The following KIAA1958 variants were observed in gnomAD, a reference collection of about 807,000 sequenced individuals.
KIAA1958 encodes KIAA1958.
A neutral mutation model predicts 47.2 loss-of-function variants in KIAA1958; 14 were observed. The ratio of observed to expected loss-of-function variants is 0.30; its 90% confidence interval spans 0.20 to 0.46. The LOEUF (loss-of-function observed/expected upper bound fraction) is 0.46, where lower values mean the gene tolerates loss of function less well. Among genes scored for constraint, KIAA1958 ranks in the 20% least tolerant of loss-of-function variants. The pLI, the probability that KIAA1958 is intolerant of heterozygous loss-of-function variation, is 1.00. For missense variants in KIAA1958, 803 were observed against 909.2 expected (o/e 0.88, Z 1.50); for synonymous variants, 354 against 353.3 (o/e 1.00, Z -0.02).
intron 2 of KIAA1958, among the ~76,000 whole-genome samples, chr9:112,596,009 T>C (rs1836022295): frequency 6.6e-6 from 1 of 152,096 alleles, no homozygotes; most frequent in Non-Finnish European, 1.5e-5. Context: ...GGTCTCGAAC[T>C]CTTGACCTCA....
intron 1 of KIAA1958, among the ~76,000 whole-genome samples, chr9:112,511,080 G>A (rs1238066499): frequency 6.6e-6 from 1 of 152,124 alleles, no homozygotes; most frequent in Non-Finnish European, 1.5e-5. Context: ...ATTATCTGCT[G>A]CTTGCTTCTG....
At chr9:112,613,874 C>T (rs1836368147) in intron 2 of KIAA1958, among the ~76,000 whole-genome samples, 1 of 152,082 alleles carries the variant, frequency 6.6e-6, no homozygotes. Flanking sequence ...TGGCTGAATG[C>T]ATGATTTCCT....
At chr9:112,641,393 TGACAGCTCTAGTGCC>T (rs1564199076) in intron 2 of KIAA1958, among the ~76,000 whole-genome samples, 1 of 150,168 alleles carries the variant, frequency 6.7e-6, no homozygotes, top group Non-Finnish European at 1.5e-5. Flanking sequence ...CTCGCTATGT[TGACAGCTCTAGTGCC>T]TCTTGGTGGC....
intron 1 of KIAA1958, among the ~76,000 whole-genome samples, chr9:112,492,095 G>T (rs1282579879): frequency 1.3e-5 from 2 of 152,154 alleles, no homozygotes; most frequent in Non-Finnish European, 2.9e-5. Context: ...AACCAGCTAG[G>T]ACTACTTCCT....
intron 1 of KIAA1958, among the ~76,000 whole-genome samples, chr9:112,496,083 A>G (rs1009355321): frequency 6.6e-6 from 1 of 152,240 alleles, no homozygotes; most frequent in African/African-American, 2.4e-5. Context: ...CAGAGGAGGA[A>G]CTACCCAGAA....
At chr9:112,621,335 A>C (rs760254313) in intron 2 of KIAA1958, among the ~76,000 whole-genome samples, 1 of 152,168 alleles carries the variant, frequency 6.6e-6, no homozygotes, top group Non-Finnish European at 1.5e-5. Flanking sequence ...ACTTTAAGGG[A>C]ACTCTTAAAC....
chr9:112,502,359 G>C (rs560974651), intron 1 of KIAA1958, among the ~76,000 whole-genome samples: 8 of 11,258 alleles, frequency 7.1e-4, no homozygotes, highest in South Asian at 0.011. Flanking sequence ...AGATTGCTGA[G>C]TCATGGCTCA....
In KIAA1958 at chr9:112,574,695, A is replaced by G. The variant is rs1269569374; in HGVS notation, c.615A>G (p.Gln205=). 1 of 1,614,180 alleles carries G rather than the reference A, an allele frequency of 6.2e-7. No individual in the cohort carries two copies. Residue 205 remains glutamine (Q), a synonymous_variant, in exon 2 of 4, where the codon CAA becomes CAG. Transcript: ENST00000337530. ...SNDVIIKKIK[Q]EIPEDYYIVA... is the part of the protein sequence containing the mutation. Reference sequence around the variant, plus strand: ...ATGTCATCATCAAGAAAATCAAACAAGAAATCCCCGAAGATTATTACATTG... The same window carrying G: ...ATGTCATCATCAAGAAAATCAAACAGGAAATCCCCGAAGATTATTACATTG...
intron 1 of KIAA1958, among the ~76,000 whole-genome samples, chr9:112,530,914 TCTAA>T (rs1465752112): frequency 2.0e-5 from 3 of 152,222 alleles, no homozygotes; most frequent in Non-Finnish European, 4.4e-5. Flanking sequence ...TATGTTTGTC[TCTAA>T]CTAAATATTT....
intron 2 of KIAA1958, among the ~76,000 whole-genome samples, chr9:112,623,672 C>T (rs1397883252): frequency 6.6e-6 from 1 of 152,170 alleles, no homozygotes; most frequent in Non-Finnish European, 1.5e-5. Context: ...GTTTGTGTCA[C>T]TCTAAAAAAC....
At chr9:112,573,867 A>G (rs1215588804) in intron 1 of KIAA1958, among the ~76,000 whole-genome samples, 190 bp from the exon 2 acceptor site, 1 of 152,146 alleles carries the variant, frequency 6.6e-6, no homozygotes, top group African/African-American at 2.4e-5. Flanking sequence ...ACCATCAGTC[A>G]TCAGCTGTTT....
chr9:112,654,911 C>A (rs555086844), intron 3 of KIAA1958, among the ~76,000 whole-genome samples: 1 of 152,126 alleles, frequency 6.6e-6, no homozygotes, highest in Non-Finnish European at 1.5e-5. Flanking sequence ...TTTTTCCTTT[C>A]CCATATACAT....
At chr9:112,568,936 T>TAAAAAAAAAAAAAAAAAAAAAAAA (rs57898820) in intron 1 of KIAA1958, among the ~76,000 whole-genome samples, 3 of 36,456 alleles carry the variant, frequency 8.2e-5, no homozygotes, top group Non-Finnish European at 1.4e-4. Context: ...ATAGGAAAAC[T>TAAAAAAAAAAAAAAAAAAAAAAAA]AAAAAAAAAA....
chr9:112,489,148 T>C (rs1458508309), intron 1 of KIAA1958, among the ~76,000 whole-genome samples: 1 of 152,238 alleles, frequency 6.6e-6, no homozygotes, highest in Non-Finnish European at 1.5e-5. Context: ...GTATTGAAAT[T>C]TGATCAGGCT....
intron 2 of KIAA1958, among the ~76,000 whole-genome samples, chr9:112,583,768 C>A (rs1299107357): frequency 6.6e-6 from 1 of 152,128 alleles, no homozygotes; most frequent in Non-Finnish European, 1.5e-5. Flanking sequence ...CACAGACACA[C>A]ACACTTAATT....
intron 2 of KIAA1958, among the ~76,000 whole-genome samples, chr9:112,607,269 A>C (rs1836251012): frequency 6.6e-6 from 1 of 151,986 alleles, no homozygotes; most frequent in Non-Finnish European, 1.5e-5. Flanking sequence ...AGGCGAGAGA[A>C]TCGCTTGAAC....
intron 1 of KIAA1958, among the ~76,000 whole-genome samples, chr9:112,490,364 T>TA (rs776871244): frequency 6.6e-6 from 1 of 152,196 alleles, no homozygotes; most frequent in Non-Finnish European, 1.5e-5. Context: ...TTTTTTCCTT[T>TA]AAAAAAAGTT....
intron 1 of KIAA1958, among the ~76,000 whole-genome samples, chr9:112,522,984 A>G (rs1309797477): frequency 1.3e-5 from 2 of 152,178 alleles, no homozygotes; most frequent in African/African-American, 4.8e-5. Flanking sequence ...TCAAGTTAAC[A>G]GGTGTAGGTA....
At chr9:112,646,345 AAGGATTATTGC>A (rs1232102249) in intron 3 of KIAA1958, among the ~76,000 whole-genome samples, 1 of 152,210 alleles carries the variant, frequency 6.6e-6, no homozygotes, top group African/African-American at 2.4e-5. Flanking sequence ...CTTTATTTGA[AAGGATTATTGC>A]AGGGGCAGAG....
Sources: allele counts gnomAD v4.1 joint callset (sites outside exome capture counted in the v4.1 genomes callset), GRCh38; gene constraint gnomAD v4.1.1; transcripts MANE v1.5; gene names NCBI Gene and HGNC (gene_info 2026-07-23, HGNC 2026-07-21).